SPMIP2: variants seen among roughly 807,000 people sequenced by gnomAD.
The protein encoded by SPMIP2 is protein SPMIP2.
the SPMIP2 span, among the ~76,000 whole-genome samples, chr4:158,989,833 T>C: frequency 6.6e-6 from 1 of 152,180 alleles, no homozygotes; most frequent in African/African-American, 2.4e-5. Context: ...AAAGACTTCA[T>C]GACTAAAACA....
chr4:159,006,329 A>G, the SPMIP2 span, among the ~76,000 whole-genome samples: 1 of 152,230 alleles, frequency 6.6e-6, no homozygotes, highest in Non-Finnish European at 1.5e-5. Flanking sequence ...AGAAGTCCAA[A>G]GTGAAACCAT....
the SPMIP2 span, among the ~76,000 whole-genome samples, chr4:159,017,399 T>G: frequency 1.1e-3 from 165 of 146,792 alleles, 1 homozygote; most frequent in African/African-American, 4.0e-3. Context: ...GACTGCAAAC[T>G]TCTCAAGCCC....
At chr4:159,014,404 G>A in the SPMIP2 span, among the ~76,000 whole-genome samples, 100 of 152,250 alleles carry the variant, frequency 6.6e-4, no homozygotes, top group African/African-American at 2.1e-3. Context: ...AGTGAGCTGA[G>A]GTCGCACCAC....
At chr4:159,045,770 G>A in the SPMIP2 span, among the ~76,000 whole-genome samples, 14 of 152,184 alleles carry the variant, frequency 9.2e-5, no homozygotes, top group East Asian at 1.9e-4. Flanking sequence ...ACTGCTTAGC[G>A]AGGTGCCTCT....
At chr4:159,072,888 G>A in the SPMIP2 span, among the ~76,000 whole-genome samples, 1 of 152,150 alleles carries the variant, frequency 6.6e-6, no homozygotes, top group East Asian at 1.9e-4. Context: ...AATTATGCTG[G>A]CTTCCTATTT....
At chr4:159,040,234 T>C in the SPMIP2 span, among the ~76,000 whole-genome samples, 51,272 of 150,852 alleles carry the variant, frequency 0.34, 9,118 homozygotes, top group East Asian at 0.64. Context: ...TGCAGTGGTG[T>C]GCTCTTGGCT....
chr4:159,057,506 A>T, the SPMIP2 span, among the ~76,000 whole-genome samples: 3 of 152,220 alleles, frequency 2.0e-5, no homozygotes, highest in Non-Finnish European at 4.4e-5. Flanking sequence ...GCACTCATGC[A>T]TGGCTGATGG....
chr4:158,959,050 C>G, the SPMIP2 span, among the ~76,000 whole-genome samples: 1 of 152,192 alleles, frequency 6.6e-6, no homozygotes, highest in Admixed American at 6.5e-5. Flanking sequence ...CATAACTATT[C>G]TACATCCTCA....
chr4:158,927,757 T>G, the SPMIP2 span, among the ~76,000 whole-genome samples: 1 of 152,142 alleles, frequency 6.6e-6, no homozygotes, highest in Non-Finnish European at 1.5e-5. Context: ...CCAGCTGGAG[T>G]TCCCGGTTAG....
At chr4:159,011,751 TCC>T in the SPMIP2 span, among the ~76,000 whole-genome samples, 1 of 44,094 alleles carries the variant, frequency 2.3e-5, no homozygotes, top group African/African-American at 1.0e-4. Flanking sequence ...CGAAACTCCA[TCC>T]CAAAAAAAAA....
chr4:158,910,539 C>T, the SPMIP2 span, among the ~76,000 whole-genome samples: 15 of 150,280 alleles, frequency 1.0e-4, no homozygotes, highest in African/African-American at 2.9e-4. Context: ...TCCCAAAGTG[C>T]GGGGATTACA....
the SPMIP2 span, among the ~76,000 whole-genome samples, chr4:158,895,441 A>G: frequency 6.6e-6 from 1 of 152,262 alleles, no homozygotes; most frequent in Non-Finnish European, 1.5e-5. Flanking sequence ...AAGGATTATT[A>G]TAAAGTTTTT....
the SPMIP2 span, among the ~76,000 whole-genome samples, chr4:158,979,103 A>C: frequency 6.6e-6 from 1 of 152,162 alleles, no homozygotes; most frequent in Non-Finnish European, 1.5e-5. Flanking sequence ...GTCTGGCTAA[A>C]GTGGCTTTGC....
the SPMIP2 span, among the ~76,000 whole-genome samples, chr4:158,940,957 C>T: frequency 6.6e-6 from 1 of 152,174 alleles, no homozygotes; most frequent in Non-Finnish European, 1.5e-5. Context: ...GTTCTAGGTT[C>T]ATCTTTTTCA....
chr4:159,064,929 A>G, the SPMIP2 span, among the ~76,000 whole-genome samples: 1 of 152,194 alleles, frequency 6.6e-6, no homozygotes, highest in Admixed American at 6.5e-5. Flanking sequence ...ACTCATATTA[A>G]TGTAACCCAA....
chr4:158,974,593 T>A, the SPMIP2 span, among the ~76,000 whole-genome samples: 1 of 152,190 alleles, frequency 6.6e-6, no homozygotes. Context: ...TTGCTGAGAA[T>A]GACTGTTTCC....
At chr4:159,043,366 A>T in the SPMIP2 span, among the ~76,000 whole-genome samples, 1 of 152,054 alleles carries the variant, frequency 6.6e-6, no homozygotes, top group South Asian at 2.1e-4. Context: ...TATTTTTTTG[A>T]GACGGAGTCT....
the SPMIP2 span, chr4:158,904,357 C>T: frequency 1.1e-6 from 1 of 937,376 alleles, no homozygotes; most frequent in Non-Finnish European, 1.6e-6. Flanking sequence ...AAATGATAAT[C>T]TATCAAACTT....
the SPMIP2 span, among the ~76,000 whole-genome samples, chr4:159,046,407 G>A: frequency 6.6e-6 from 1 of 152,140 alleles, no homozygotes; most frequent in African/African-American, 2.4e-5. Flanking sequence ...GAAGGGGAGG[G>A]CATTACAAAG....
Sources: allele counts gnomAD v4.1 joint callset (sites outside exome capture counted in the v4.1 genomes callset), GRCh38; gene constraint gnomAD v4.1.1; transcripts MANE v1.5; gene names NCBI Gene and HGNC (gene_info 2026-07-23, HGNC 2026-07-21).